Variants in PCDHA6 observed in about 807,000 individuals in gnomAD.
PCDHA6 encodes protocadherin alpha 6, also known as protocadherin alpha-6.
Under a neutral mutation model 60.3 loss-of-function variants are expected in PCDHA6, and 55 were observed. The observed-to-expected ratio is 0.91, with a 90% confidence interval of 0.73 to 1.14. PCDHA6 has a LOEUF of 1.14. PCDHA6 is among the 50% of genes most tolerant of loss of function. PCDHA6 has a pLI of 0.00. For synonymous variants in PCDHA6, 652 were observed against 557.9 expected (o/e 1.17, Z -2.38); for missense variants, 1,327 against 1,256.5 (o/e 1.06, Z -0.85).
At chr5:140,978,491 C>T (rs550205477) in intron 1 of PCDHA6, among the ~76,000 whole-genome samples, 2 of 152,354 alleles carry the variant, frequency 1.3e-5, no homozygotes, top group African/African-American at 4.8e-5. Flanking sequence ...GCAAAGCCAG[C>T]AGCAGATTGC....
intron 1 of PCDHA6, among the ~76,000 whole-genome samples, chr5:140,838,075 A>AGTGTGTGTG (rs781914509): frequency 7.8e-6 from 1 of 128,134 alleles, no homozygotes; most frequent in Admixed American, 8.1e-5. Flanking sequence ...TTATATATAT[A>AGTGTGTGTG]TAGTGTGTGT....
chr5:140,981,791 C>G (rs564396430), intron 2 of PCDHA6, among the ~76,000 whole-genome samples: 2 of 152,000 alleles, frequency 1.3e-5, no homozygotes, highest in Non-Finnish European at 2.9e-5. Flanking sequence ...GTTCTCTTTT[C>G]CCTTGAACAG....
intron 1 of PCDHA6, 146 bp from the exon 2 acceptor site, chr5:140,978,803 C>A: frequency 2.0e-6 from 3 of 1,485,240 alleles, no homozygotes; most frequent in Middle Eastern, 1.8e-4. Context: ...ATGTAGATAT[C>A]ATCATAGAGT....
chr5:140,932,032 A>G (rs2087965086), intron 1 of PCDHA6, among the ~76,000 whole-genome samples: 1 of 151,934 alleles, frequency 6.6e-6, no homozygotes, highest in African/African-American at 2.4e-5. Context: ...TTTACAGTAT[A>G]TATTAACATA....
At chr5:140,932,810 A>G (rs925757508) in intron 1 of PCDHA6, among the ~76,000 whole-genome samples, 1 of 151,958 alleles carries the variant, frequency 6.6e-6, no homozygotes, top group Non-Finnish European at 1.5e-5. Flanking sequence ...CCTTGGAAAC[A>G]TATAAGTGGG....
At chr5:140,835,996 G>A (rs782367355) in intron 1 of PCDHA6, 2 of 1,613,272 alleles carry the variant, frequency 1.2e-6, no homozygotes, top group South Asian at 1.1e-5. Flanking sequence ...GTGAGCGCGC[G>A]CGATGCGGGC....
chr5:140,975,868 C>T (rs553871611), intron 1 of PCDHA6, among the ~76,000 whole-genome samples: 2 of 152,222 alleles, frequency 1.3e-5, no homozygotes, highest in East Asian at 3.9e-4. Flanking sequence ...ATATGGACTA[C>T]CTAATTGATT....
chr5:140,891,820 G>A (rs1341896388), intron 1 of PCDHA6, among the ~76,000 whole-genome samples: 1 of 152,102 alleles, frequency 6.6e-6, no homozygotes, highest in African/African-American at 2.4e-5. Context: ...TAAATTAACG[G>A]CACTGTAAAA....
intron 1 of PCDHA6, among the ~76,000 whole-genome samples, chr5:140,838,948 T>C (rs1437181884): frequency 6.6e-6 from 1 of 151,904 alleles, no homozygotes; most frequent in Non-Finnish European, 1.5e-5. Context: ...TAAAATAAAA[T>C]AAAATAAAAA....
Position 140,829,686 on chromosome 5 carries a change from A to C in PCDHA6, c.1595A>C (p.Gln532Pro). Residue 532 changes from glutamine (Q) to proline (P), a missense_variant, in exon 1 of 4, where the codon CAG (glutamine) becomes CCG (proline). Physicochemically the swap from Gln to Pro is moderately conservative, Grantham distance 76. Coordinates refer to ENST00000529310, the MANE Select transcript of PCDHA6 (RefSeq NM_018909.4). ...PLDHEELELLQFQVSARDAGV... is the reference protein window; with the variant it reads ...PLDHEELELLPFQVSARDAGV... Reference sequence around the variant, plus strand: ...GACCACGAGGAGCTAGAGCTGCTGCAGTTTCAGGTGAGCGCGCGCGACGCG... The same window carrying C: ...GACCACGAGGAGCTAGAGCTGCTGCCGTTTCAGGTGAGCGCGCGCGACGCG... The C allele has an allele frequency of 6.2e-7, 1 of 1,613,286 alleles. No homozygotes were observed. Among genetic ancestry groups the C allele is most frequent in the Non-Finnish European group, 8.5e-7 (1 of 1,179,870 alleles).
intron 1 of PCDHA6, among the ~76,000 whole-genome samples, chr5:140,972,762 A>G (rs1048509158): frequency 4.7e-5 from 7 of 150,026 alleles, no homozygotes; most frequent in African/African-American, 1.7e-4. Context: ...CTCCCAAGTT[A>G]AAGTGATTCT....
At chr5:140,872,562 G>A (rs2053754616) in intron 1 of PCDHA6, among the ~76,000 whole-genome samples, 1 of 152,072 alleles carries the variant, frequency 6.6e-6, no homozygotes, top group Non-Finnish European at 1.5e-5. Context: ...AGGGGTTCAG[G>A]GCTGCAGTGA....
intron 1 of PCDHA6, chr5:140,928,543 A>G: frequency 6.2e-7 from 1 of 1,614,204 alleles, no homozygotes; most frequent in Non-Finnish European, 8.5e-7. Context: ...TAGGAATGAC[A>G]ATTATCCGGT....
At chr5:140,836,078 G>C (rs1179241173) in intron 1 of PCDHA6, 4 of 1,613,554 alleles carry the variant, frequency 2.5e-6, no homozygotes, top group Non-Finnish European at 3.4e-6. Context: ...CGCCGGCACT[G>C]CTGGCGCCTC....
chr5:140,957,222 G>A (rs537549328), intron 1 of PCDHA6, among the ~76,000 whole-genome samples: 1 of 152,182 alleles, frequency 6.6e-6, no homozygotes, highest in East Asian at 1.9e-4. Context: ...AAAATTTGGC[G>A]AAGCATTTTG....
At chr5:140,899,217 C>T (rs1467184800) in intron 1 of PCDHA6, among the ~76,000 whole-genome samples, 1 of 152,040 alleles carries the variant, frequency 6.6e-6, no homozygotes, top group Non-Finnish European at 1.5e-5. Flanking sequence ...GCCAGAACTT[C>T]CAACACTATG....
rs575540619 is a variant in PCDHA6 at position 140,959,917 on chromosome 5, T to A, written c.2395-19032T>A. ...TTTATATCAGAAAAATCAAAGCCATTTGTAAAGCCCCATTACTTAGGCAGA... is the reference window on the plus strand; with the variant it reads ...TTTATATCAGAAAAATCAAAGCCATATGTAAAGCCCCATTACTTAGGCAGA... On this transcript the variant is annotated intron_variant, in intron 1 of 3. Transcript: ENST00000529310. 3.3e-5 allele frequency among the ~76,000 whole-genome samples: 5 copies of A among 152,296 alleles called. No homozygotes were observed. The East Asian group carries it at 9.6e-4, about 29-fold the overall frequency.
chr5:140,956,315 A>G (rs246013), intron 1 of PCDHA6, among the ~76,000 whole-genome samples: 85,586 of 151,908 alleles, frequency 0.56, 24,725 homozygotes, highest in African/African-American at 0.69. Flanking sequence ...TTATTTTGAG[A>G]TATGTTCCTT....
At chr5:140,928,681 TC>T (rs782384924) in intron 1 of PCDHA6, 4 of 1,614,062 alleles carry the variant, frequency 2.5e-6, no homozygotes. Flanking sequence ...TGCCTGGCTT[TC>T]CTACCACATC....
Sources: gnomAD v4.1 joint callset for allele counts (sites outside exome capture counted in the v4.1 genomes callset) on GRCh38, gnomAD v4.1.1 for gene constraint, MANE v1.5 for transcripts, NCBI Gene and HGNC (gene_info 2026-07-23, HGNC 2026-07-21) for gene names.